SPAG16: variants seen among roughly 807,000 people sequenced by gnomAD.
SPAG16 encodes the protein sperm associated antigen 16, also known as sperm-associated antigen 16 protein.
SPAG16 carries 86 observed loss-of-function variants against 80.4 expected under a neutral mutation model. The ratio of observed to expected loss-of-function variants is 1.07; its 90% CI spans 0.90 to 1.28. The LOEUF (loss-of-function observed/expected upper bound fraction) is 1.28. SPAG16 is among the 50% of genes most tolerant of loss of function. SPAG16 has a pLI of 0.00. For synonymous variants in SPAG16, 294 were observed against 265.9 expected (o/e 1.11, Z -1.03); for missense variants, 870 against 765.3 (o/e 1.14, Z -1.61).
intron 10 of SPAG16, among the ~76,000 whole-genome samples, chr2:213,660,249 A>G (rs568856597): frequency 6.6e-6 from 1 of 152,104 alleles, no homozygotes; most frequent in South Asian, 2.1e-4. Context: ...ACATTACACA[A>G]CAGAGTGGCT....
At chr2:214,131,343 C>G (rs767791064) in intron 14 of SPAG16, among the ~76,000 whole-genome samples, 1 of 150,966 alleles carries the variant, frequency 6.6e-6, no homozygotes, top group Non-Finnish European at 1.5e-5. Context: ...GTACTCCAAC[C>G]TGGGTGACAG....
intron 10 of SPAG16, among the ~76,000 whole-genome samples, chr2:213,719,556 G>A (rs1251769483): frequency 2.0e-5 from 3 of 152,178 alleles, no homozygotes; most frequent in Non-Finnish European, 2.9e-5. Flanking sequence ...GGATGTGGGT[G>A]GGGCCAGATA....
intron 13 of SPAG16, among the ~76,000 whole-genome samples, chr2:214,052,599 T>C (rs1422094558): frequency 6.6e-6 from 1 of 152,196 alleles, no homozygotes; most frequent in East Asian, 1.9e-4. Context: ...ATCTTTTCTC[T>C]TTATATCGTA....
intron 9 of SPAG16, among the ~76,000 whole-genome samples, chr2:213,446,119 G>C (rs1000449371): frequency 1.3e-5 from 2 of 152,176 alleles, no homozygotes; most frequent in Non-Finnish European, 2.9e-5. Context: ...GACTCCAAAG[G>C]TTAAAGGAAC....
At chr2:214,227,335 AT>A (rs2058719139) in intron 15 of SPAG16, among the ~76,000 whole-genome samples, 1 of 152,058 alleles carries the variant, frequency 6.6e-6, no homozygotes, top group African/African-American at 2.4e-5. Context: ...CAGTTTTAAT[AT>A]TTACTACAAA....
chr2:214,135,982 G>A (rs1263104234), intron 14 of SPAG16, among the ~76,000 whole-genome samples: 5 of 152,092 alleles, frequency 3.3e-5, no homozygotes, highest in African/African-American at 9.7e-5. Context: ...ATCTGCTTTT[G>A]GTTAGGGTTT....
rs530967574 is a variant in SPAG16 at position 214,240,597 on chromosome 2, C to T, written c.1720+91331C>T. The T allele has an allele frequency of 4.6e-5, 7 of 152,164 alleles. No individual in the cohort carries two copies. The South Asian group carries it at 1.5e-3, about 32-fold the overall frequency. The allele number at this position is 152,164 out of a possible 1,614,324, so 9.4% of individuals were successfully genotyped here. A position where few individuals can be genotyped will look rare whatever the true frequency, so the allele number is the denominator to read the frequency against. On this transcript the variant is annotated intron_variant, in intron 15 of 15. Coordinates refer to ENST00000331683, the MANE Select transcript of SPAG16 (RefSeq NM_024532.5). ...GTCTTAAAGCAAGAAAGATGTTTTC[C>T]TTGTTTGTTCTTCTATAAATTCTCT...
intron 11 of SPAG16, among the ~76,000 whole-genome samples, chr2:213,891,170 G>T (rs982088945): frequency 6.6e-6 from 1 of 151,712 alleles, no homozygotes. Context: ...GTCATTAATG[G>T]GTCGCTATTA....
intron 10 of SPAG16, among the ~76,000 whole-genome samples, chr2:213,673,265 T>C (rs1416889199): frequency 1.3e-5 from 2 of 152,146 alleles, no homozygotes; most frequent in Admixed American, 6.6e-5. Flanking sequence ...GGAATTAATA[T>C]TTCTAGAAAT....
intron 10 of SPAG16, among the ~76,000 whole-genome samples, chr2:213,742,348 C>T (rs2067593690): frequency 1.3e-5 from 2 of 152,062 alleles, no homozygotes; most frequent in Non-Finnish European, 2.9e-5. Flanking sequence ...ATTTGCACCT[C>T]TTCTGACTGA....
intron 10 of SPAG16, among the ~76,000 whole-genome samples, chr2:213,761,951 C>A (rs529790971): frequency 1.1e-4 from 16 of 151,970 alleles, no homozygotes; most frequent in Middle Eastern, 6.8e-3. Context: ...CAAAAATGCT[C>A]AAAAAATACT....
intron 10 of SPAG16, among the ~76,000 whole-genome samples, chr2:213,536,844 C>T (rs2076266947): frequency 6.6e-6 from 1 of 152,158 alleles, no homozygotes; most frequent in South Asian, 2.1e-4. Flanking sequence ...AATCATGCTG[C>T]TATAAAGACA....
chr2:214,058,900 A>G (rs546559018), intron 13 of SPAG16, among the ~76,000 whole-genome samples: 4 of 152,052 alleles, frequency 2.6e-5, no homozygotes, highest in Non-Finnish European at 4.4e-5. Flanking sequence ...ACCCCAGGAA[A>G]CTGCTACAGT....
intron 10 of SPAG16, among the ~76,000 whole-genome samples, chr2:213,617,657 T>C (rs1263871622): frequency 6.6e-6 from 1 of 152,048 alleles, no homozygotes; most frequent in East Asian, 1.9e-4. Flanking sequence ...AATTTTTTTT[T>C]TAAAAATGAG....
chr2:214,398,368 A>G (rs1402016629), intron 15 of SPAG16, among the ~76,000 whole-genome samples: 2 of 152,190 alleles, frequency 1.3e-5, no homozygotes, highest in Admixed American at 6.5e-5. Flanking sequence ...ATTTATTCAG[A>G]CAAGTCACAC....
At chr2:214,104,092 T>A (rs565634490) in intron 13 of SPAG16, among the ~76,000 whole-genome samples, 1 of 152,178 alleles carries the variant, frequency 6.6e-6, no homozygotes, top group South Asian at 2.1e-4. Context: ...CAGGGTGAGA[T>A]GTCCCTGTAT....
intron 10 of SPAG16, among the ~76,000 whole-genome samples, chr2:213,734,736 T>C (rs920945501): frequency 1.3e-5 from 2 of 152,154 alleles, no homozygotes; most frequent in African/African-American, 4.8e-5. Context: ...GGTATGAACA[T>C]GAATTTCTTT....
At chr2:213,587,971 G>A (rs1379278666) in intron 10 of SPAG16, among the ~76,000 whole-genome samples, 3 of 152,114 alleles carry the variant, frequency 2.0e-5, no homozygotes, top group East Asian at 3.8e-4. Context: ...TGGATGAAAA[G>A]TTTAGAATGA....
chr2:213,680,434 T>A (rs1376314752), intron 10 of SPAG16, among the ~76,000 whole-genome samples: 4 of 144,716 alleles, frequency 2.8e-5, no homozygotes, highest in African/African-American at 1.0e-4. Flanking sequence ...CTCTAGTAGT[T>A]AAAAAAAAAA....
Sources: gnomAD v4.1 joint callset for allele counts (sites outside exome capture counted in the v4.1 genomes callset) on GRCh38, gnomAD v4.1.1 for gene constraint, MANE v1.5 for transcripts, NCBI Gene and HGNC (gene_info 2026-07-23, HGNC 2026-07-21) for gene names.